The following SPTLC2 variants were observed in gnomAD, a reference collection of about 807,000 sequenced individuals.
SPTLC2 encodes serine palmitoyltransferase 2.
SPTLC2 carries 21 observed loss-of-function variants against 62.0 expected under a neutral mutation model. The observed-to-expected ratio is 0.34, with a 90% confidence interval of 0.24 to 0.49. SPTLC2 has a LOEUF of 0.49. Ranked by LOEUF, SPTLC2 falls within the 20% of genes least tolerant of loss-of-function variation. SPTLC2 has a pLI of 0.99. For missense variants in SPTLC2, 511 were observed against 713.0 expected, an observed-to-expected ratio of 0.72 and a Z score of 3.23; for synonymous variants, 261 against 261.8, an observed-to-expected ratio of 1.00 and a Z score of 0.03.
chr14:77,529,815 A>C (rs984364767), intron 9 of SPTLC2, among the ~76,000 whole-genome samples: 2 of 150,842 alleles, frequency 1.3e-5, no homozygotes, highest in Non-Finnish European at 3.0e-5. Flanking sequence ...TAGAGATGGG[A>C]CTTCACCATG....
rs1566770811 is a variant in SPTLC2 at position 77,531,490 on chromosome 14, TC to T, written c.1304-9910del. Among the ~76,000 whole-genome samples, 27 of 66,474 alleles carry T rather than the reference TC, an allele frequency of 4.1e-4. 1 individual carries two copies. The highest frequency in any genetic ancestry group is 1.2e-3 in the Admixed American group (6 of 5,060). 43.6% of individuals were successfully genotyped at this position (66,474 alleles called of 152,430 possible). ...CTCCTCCTCCCCCTCCCCCTCCTCCTCCTCCTCCTCCTCCTCCTCTTCTTCT... is the reference window on the plus strand; with the variant it reads ...CTCCTCCTCCCCCTCCCCCTCCTCCTCTCCTCCTCCTCCTCCTCTTCTTCT... On this transcript the variant is annotated intron_variant, in intron 9 of 11. Coordinates refer to ENST00000216484, the MANE Select transcript of SPTLC2 (RefSeq NM_004863.4).
At chr14:77,586,125 G>A (rs1450257302) in intron 2 of SPTLC2, among the ~76,000 whole-genome samples, 1 of 147,626 alleles carries the variant, frequency 6.8e-6, no homozygotes, top group Non-Finnish European at 1.5e-5. Flanking sequence ...ACCCAGGCTG[G>A]AGTGCAGTGA....
intron 1 of SPTLC2, among the ~76,000 whole-genome samples, chr14:77,615,982 G>A (rs1470099539): frequency 6.6e-6 from 1 of 152,216 alleles, no homozygotes; most frequent in Non-Finnish European, 1.5e-5. Flanking sequence ...GTTTCCATCT[G>A]ACACCACCGC....
At chr14:77,613,791 C>T (rs891525553) in intron 1 of SPTLC2, among the ~76,000 whole-genome samples, 1 of 152,148 alleles carries the variant, frequency 6.6e-6, no homozygotes, top group African/African-American at 2.4e-5. Flanking sequence ...CATTTCCCCC[C>T]CAGAAAGAGG....
At chr14:77,611,302 CA>C (rs906170458) in intron 1 of SPTLC2, among the ~76,000 whole-genome samples, 39 of 140,910 alleles carry the variant, frequency 2.8e-4, no homozygotes, top group Admixed American at 4.3e-4. Flanking sequence ...GACTCTGTCT[CA>C]AAAAAAAAAA....
At chr14:77,603,258 A>G (rs1256726526) in intron 1 of SPTLC2, among the ~76,000 whole-genome samples, 2 of 152,226 alleles carry the variant, frequency 1.3e-5, no homozygotes, top group Non-Finnish European at 2.9e-5. Flanking sequence ...ATGGTTTGGA[A>G]CTTTATTTTT....
chr14:77,531,469 TC>T (rs1594973626), intron 9 of SPTLC2, among the ~76,000 whole-genome samples: 2 of 105,768 alleles, frequency 1.9e-5, no homozygotes, highest in Admixed American at 9.7e-5. Flanking sequence ...CTCCTCCTCC[TC>T]CTCCCCCTCC....
intron 6 of SPTLC2, among the ~76,000 whole-genome samples, chr14:77,559,953 T>C (rs1024723809): frequency 6.6e-6 from 1 of 152,080 alleles, no homozygotes; most frequent in African/African-American, 2.4e-5. Context: ...AGGGCTCTTA[T>C]AATCAGTAAA....
chr14:77,549,256 T>C (rs974156308), intron 9 of SPTLC2, among the ~76,000 whole-genome samples: 28 of 151,656 alleles, frequency 1.8e-4, no homozygotes, highest in Non-Finnish European at 3.1e-4. Flanking sequence ...CACAAATTCT[T>C]TGACATGCCT....
chr14:77,517,986 A>G, intron 11 of SPTLC2, 52 bp downstream of exon 11: 1 of 1,611,402 alleles, frequency 6.2e-7, no homozygotes, highest in Non-Finnish European at 8.5e-7. Flanking sequence ...TCTAATATAC[A>G]GGCCCTTTTA....
chr14:77,516,045 TTCTA>T (rs2079357807), intron 11 of SPTLC2, among the ~76,000 whole-genome samples: 1 of 147,238 alleles, frequency 6.8e-6, no homozygotes, highest in African/African-American at 2.5e-5. Context: ...TTACAGCACT[TTCTA>T]TATACAGAAT....
chr14:77,568,037 T>G (rs780515930), intron 5 of SPTLC2, among the ~76,000 whole-genome samples: 2 of 152,208 alleles, frequency 1.3e-5, no homozygotes, highest in Non-Finnish European at 2.9e-5. Context: ...ATTTACGAGT[T>G]TGAAACATTT....
intron 2 of SPTLC2, among the ~76,000 whole-genome samples, chr14:77,593,513 T>C (rs935594744): frequency 3.3e-5 from 5 of 152,132 alleles, no homozygotes; most frequent in Non-Finnish European, 7.4e-5. Context: ...AAAACAACAT[T>C]CTCATCCAAA....
intron 9 of SPTLC2, among the ~76,000 whole-genome samples, chr14:77,537,538 C>T (rs765157613): frequency 1.5e-4 from 23 of 152,020 alleles, no homozygotes; most frequent in Admixed American, 2.6e-4. Context: ...AATGAAAACA[C>T]GTTATGTATT....
chr14:77,536,098 C>CA, intron 9 of SPTLC2: 1 of 375,868 alleles, frequency 2.7e-6, no homozygotes, highest in South Asian at 2.0e-5. Flanking sequence ...TTTGGTGGAG[C>CA]AAGTATTTCT....
intron 9 of SPTLC2, among the ~76,000 whole-genome samples, chr14:77,540,756 G>T (rs1028334808): frequency 2.0e-5 from 3 of 152,182 alleles, no homozygotes; most frequent in Admixed American, 6.5e-5. Context: ...TTACAGGCGT[G>T]AGCCACCGCA....
At chr14:77,545,967 G>A (rs574025364) in intron 9 of SPTLC2, among the ~76,000 whole-genome samples, 2 of 152,188 alleles carry the variant, frequency 1.3e-5, no homozygotes, top group Non-Finnish European at 2.9e-5. Flanking sequence ...GCAGAAAGGT[G>A]GGGAAAGGGC....
chr14:77,603,940 C>G (rs1042150500), intron 1 of SPTLC2, among the ~76,000 whole-genome samples: 2 of 152,212 alleles, frequency 1.3e-5, no homozygotes, highest in East Asian at 3.9e-4. Flanking sequence ...AATTCTGCAT[C>G]TTCATCTGAG....
intron 9 of SPTLC2, among the ~76,000 whole-genome samples, chr14:77,526,568 T>C (rs1566768977): frequency 6.6e-6 from 1 of 152,212 alleles, no homozygotes; most frequent in Non-Finnish European, 1.5e-5. Flanking sequence ...GACTTCAATA[T>C]GGTTTGTTAG....
Sources: allele counts gnomAD v4.1 joint callset (sites outside exome capture counted in the v4.1 genomes callset), GRCh38; gene constraint gnomAD v4.1.1; transcripts MANE v1.5; gene names NCBI Gene and HGNC (gene_info 2026-07-23, HGNC 2026-07-21).